The following BLM variants were observed in gnomAD, a reference collection of about 807,000 sequenced individuals.
The protein encoded by BLM is BLM RecQ like helicase.
BLM carries 95 observed loss-of-function variants against 135.3 expected under a neutral mutation model. The ratio of observed to expected loss-of-function variants is 0.70; its 90% CI spans 0.59 to 0.83. BLM has a LOEUF of 0.83. Ranked by LOEUF, BLM falls within the 40% of genes least tolerant of loss-of-function variation. The pLI is 0.00. For synonymous variants in BLM, 520 were observed against 589.2 expected, an observed-to-expected ratio of 0.88 and a Z score of 1.70; for missense variants, 1,518 against 1,663.9, an observed-to-expected ratio of 0.91 and a Z score of 1.53.
rs1319281718 is a variant in BLM at position 90,769,507 on chromosome 15, G to C, written c.2476G>C (p.Val826Leu). 1 of 1,613,828 alleles carries C rather than the reference G, an allele frequency of 6.2e-7. No individual in the cohort carries two copies. The highest frequency in any genetic ancestry group is 8.5e-7 in the Non-Finnish European group (1 of 1,179,878). Residue 826 changes from valine (V) to leucine (L), a missense_variant, in exon 12 of 22, where the codon GTG becomes CTG. This residue lies in a region of BLM where 626 missense variants were observed against 681.1 expected (regional missense o/e 0.92). Coordinates refer to ENST00000355112, the MANE Select transcript of BLM (RefSeq NM_000057.4). ...MLRQKFPSVP[V>L]MALTATANPR... Reference sequence around the variant, plus strand: ...TCGCCAGAAGTTTCCTTCTGTTCCGGTGATGGCTCTTACGGCCACAGCTAA... The same window carrying C: ...TCGCCAGAAGTTTCCTTCTGTTCCGCTGATGGCTCTTACGGCCACAGCTAA...
At chr15:90,780,523 A>C (rs1896593058) in intron 12 of BLM, among the ~76,000 whole-genome samples, 1 of 152,128 alleles carries the variant, frequency 6.6e-6, no homozygotes, top group African/African-American at 2.4e-5. Flanking sequence ...CCTGGCCAGA[A>C]TTTCTTGTCT....
Position 90,793,626 on chromosome 15 carries a change from G to A in BLM, c.3020-541G>A, listed in dbSNP as rs28385098. Among the ~76,000 whole-genome samples the A allele has an allele frequency of 0.011, 1,616 of 152,278 alleles. 77 individuals are homozygous for A. The East Asian group carries it at 0.13, about 13-fold the overall frequency. ...AAGATGAGATATTGCTAATAGGAATGTAGCACAATCTAATGTTAATACCAT... is the reference window on the plus strand; with the variant it reads ...AAGATGAGATATTGCTAATAGGAATATAGCACAATCTAATGTTAATACCAT... On this transcript the variant is annotated intron_variant, in intron 15 of 21. Transcript: ENST00000355112.
At chr15:90,760,471 T>C (rs991113096) in intron 6 of BLM, 123 bp from the exon 7 acceptor site, 1 of 1,300,164 alleles carries the variant, frequency 7.7e-7, no homozygotes, top group Non-Finnish European at 1.1e-6. Context: ...TTTTTAAGAT[T>C]GGGAAAAAAG....
At chr15:90,797,189 G>A (rs554159739) in intron 16 of BLM, among the ~76,000 whole-genome samples, 6 of 152,112 alleles carry the variant, frequency 3.9e-5, no homozygotes, top group South Asian at 2.1e-4. Flanking sequence ...TGAGGCCGGC[G>A]GATCACCTGA....
rs1036605651 is a variant in BLM, at chr15:90,781,613, C to T, written c.2556-1209C>T. 2.0e-4 allele frequency among the ~76,000 whole-genome samples: 30 copies of T among 151,844 alleles called. 1 individual carries two copies. Among genetic ancestry groups the T allele is most frequent in the South Asian group, 1.0e-3 (5 of 4,802 alleles). On this transcript the variant is annotated intron_variant, in intron 12 of 21. Transcript: ENST00000355112. ...TGCACTCCAGCCTGGGTGACAAGCG[C>T]GAGACTCCCTCTCAAAAAAATAATA...
chr15:90,731,872 G>A (rs551246141), intron 1 of BLM, among the ~76,000 whole-genome samples: 11 of 151,782 alleles, frequency 7.2e-5, no homozygotes, highest in African/African-American at 2.7e-4. Context: ...GCTAATTTTT[G>A]TATTTTTGGT....
chr15:90,747,037 T>A (rs1404686997), intron 1 of BLM, among the ~76,000 whole-genome samples: 2 of 152,094 alleles, frequency 1.3e-5, no homozygotes, highest in Non-Finnish European at 2.9e-5. Context: ...CAGCTTTCAT[T>A]TATCCTTCCA....
Position 90,760,679 on chromosome 15 carries a change from G to C in BLM, c.1306G>C (p.Asp436His). The change falls in exon 7 of 22, where the codon GAT (aspartate) becomes CAT (histidine). Residue 436 changes from aspartate to histidine, a missense_variant. This residue lies in a region of BLM where 724 missense variants were observed against 756.9 expected (regional missense o/e 0.96). Coordinates refer to ENST00000355112, the MANE Select transcript of BLM (RefSeq NM_000057.4). ...GTGGAGATACAGGCCTGATTCACTTGATGGCCCTATGGAGGGTGATTCCTG... is the reference window on the plus strand; with the variant it reads ...GTGGAGATACAGGCCTGATTCACTTCATGGCCCTATGGAGGGTGATTCCTG... ...SLWRYRPDSL[D>H]GPMEGDSCPT... 1.9e-6 allele frequency: 3 copies of C among 1,614,048 alleles called. No homozygotes were observed. The highest frequency in any genetic ancestry group is 4.5e-5 in the East Asian group (2 of 44,884).
intron 14 of BLM, among the ~76,000 whole-genome samples, chr15:90,787,671 A>G (rs1265692859): frequency 6.6e-6 from 1 of 152,134 alleles, no homozygotes; most frequent in Non-Finnish European, 1.5e-5. Context: ...GTTTATGGCC[A>G]GGTGCAGTGG....
rs1488217859 is a variant in BLM, at chr15:90,749,696, C to A, written c.428C>A (p.Ser143Tyr). 2 of 1,614,148 alleles carry A rather than the reference C, an allele frequency of 1.2e-6. No homozygotes were observed. Among genetic ancestry groups the A allele is most frequent in the Non-Finnish European group, 1.7e-6 (2 of 1,179,994 alleles). The change falls in exon 3 of 22, where the codon TCT becomes TAT. Residue 143 changes from serine to tyrosine, a missense_variant. Ser to Tyr is a moderately radical substitution (Grantham distance 144). Around this residue, in one of 5 missense-constraint regions of BLM, gnomAD observed 724 missense variants for 756.9 expected, o/e 0.96. Transcript: ENST00000355112. ...DTALKKLEFS[S>Y]SPDSLSTIND... ...GCTCTCAAGAAATTAGAATTTAGTT[C>A]TTCACCAGATTCTTTAAGTACCATC...
chr15:90,809,038 G>C, intron 19 of BLM, 99 bp from the exon 20 acceptor site: 2 of 1,526,258 alleles, frequency 1.3e-6, no homozygotes, highest in Non-Finnish European at 1.8e-6. Flanking sequence ...GCAGTTAGTT[G>C]GCACTTAGCA....
chr15:90,794,691 A>C (rs1312928956), intron 16 of BLM, among the ~76,000 whole-genome samples: 1 of 149,580 alleles, frequency 6.7e-6, no homozygotes, highest in Admixed American at 6.7e-5. Context: ...GAATATTTTA[A>C]ATTTAATATA....
intron 1 of BLM, among the ~76,000 whole-genome samples, chr15:90,739,762 A>G (rs1895315774): frequency 6.6e-6 from 1 of 152,034 alleles, no homozygotes; most frequent in African/African-American, 2.4e-5. Context: ...TTGTTTTTAA[A>G]TTATTATTTG....
At chr15:90,801,712 G>A (rs1897168764) in intron 17 of BLM, among the ~76,000 whole-genome samples, 3 of 152,126 alleles carry the variant, frequency 2.0e-5, no homozygotes, top group African/African-American at 7.2e-5. Context: ...TTTAAAAAGC[G>A]ATTCCCTTGG....
chr15:90,747,095 T>G (rs1895520869), intron 1 of BLM, among the ~76,000 whole-genome samples: 1 of 152,022 alleles, frequency 6.6e-6, no homozygotes. Context: ...ATCCCCTCCC[T>G]AATGTCTTTT....
chr15:90,731,462 T>C (rs554335674), intron 1 of BLM, among the ~76,000 whole-genome samples: 16 of 152,292 alleles, frequency 1.1e-4, no homozygotes, highest in Admixed American at 3.3e-4. Flanking sequence ...TTTACTGCCA[T>C]AAGTGCTTAG....
chr15:90,807,488 C>T (rs1173909498), intron 19 of BLM, among the ~76,000 whole-genome samples: 1 of 152,120 alleles, frequency 6.6e-6, no homozygotes, highest in Non-Finnish European at 1.5e-5. Flanking sequence ...CAGCCTAGAC[C>T]TCCTGGGCTC....
At position 90,751,910 on chromosome 15, in the gene BLM, T is replaced by A. The variant is rs1400762946; in HGVS notation, c.923T>A (p.Ile308Asn). ...TDFVPPSPEE[I>N]ISASSSSSKC... Reference sequence around the variant, plus strand: ...TTTGTTCCACCTTCTCCAGAAGAAATTATTTCTGCTTCTTCTTCCTCTTCA... The same window carrying A: ...TTTGTTCCACCTTCTCCAGAAGAAAATATTTCTGCTTCTTCTTCCTCTTCA... The change falls in exon 4 of 22, where the codon ATT becomes AAT. Residue 308 changes from isoleucine to asparagine, a missense_variant. Physicochemically the swap from Ile to Asn is moderately radical, Grantham distance 149 (BLOSUM62 -3). Transcript: ENST00000355112. 6.2e-7 allele frequency: 1 copy of A among 1,612,952 alleles called. No individual in the cohort carries two copies. The highest frequency in any genetic ancestry group is 2.2e-5 in the East Asian group (1 of 44,818).
rs1212425649 is a variant in BLM, at chr15:90,748,783, A to T, written c.99-584A>T. ...TTTTTTCTTTTTTTTTTTTTGAGAC[A>T]GTCTCGCTCTGTCACCCAGGCTGGA... On this transcript the variant is annotated intron_variant, in intron 2 of 21. Coordinates refer to ENST00000355112, the MANE Select transcript of BLM (RefSeq NM_000057.4). 2.0e-5 allele frequency among the ~76,000 whole-genome samples: 3 copies of T among 148,632 alleles called. No individual in the cohort carries two copies. In the East Asian group the frequency reaches 5.9e-4, roughly 29 times the overall value.
Sources: allele counts gnomAD v4.1 joint callset (sites outside exome capture counted in the v4.1 genomes callset), GRCh38; gene constraint gnomAD v4.1.1; regional missense constraint gnomAD v4.1.1; transcripts MANE v1.5; gene names NCBI Gene and HGNC (gene_info 2026-07-23, HGNC 2026-07-21).